The following PDE4D variants were observed in gnomAD, a reference collection of about 807,000 sequenced individuals.
The protein encoded by PDE4D is phosphodiesterase 4D, also known as 3',5'-cyclic-AMP phosphodiesterase 4D.
Under a neutral mutation model 87.4 loss-of-function variants are expected in PDE4D, and 24 were observed. That is an observed-to-expected ratio of 0.27 (90% CI 0.20 to 0.39). The LOEUF (loss-of-function observed/expected upper bound fraction) is 0.39, where lower values mean the gene tolerates loss of function less well. Among genes scored for constraint, PDE4D ranks in the 10% least tolerant of loss-of-function variants. PDE4D has a pLI of 1.00. For missense variants in PDE4D, 714 were observed against 1,041.0 expected, an observed-to-expected ratio of 0.69 and a Z score of 4.32; for synonymous variants, 384 against 383.2, an observed-to-expected ratio of 1.00 and a Z score of -0.02.
chr5:59,386,691 AAGGGAGGGAGGG>A (rs142788943), intron 1 of PDE4D, among the ~76,000 whole-genome samples: 1 of 136,206 alleles, frequency 7.3e-6, no homozygotes, highest in African/African-American at 2.6e-5. Flanking sequence ...GCGCAGGAGG[AAGGGAGGGAGGG>A]AGGGAGGGAG....
intron 6 of PDE4D, among the ~76,000 whole-genome samples, chr5:59,014,348 A>T (rs1753519854): frequency 1.3e-5 from 2 of 152,188 alleles, no homozygotes. Context: ...GAAAAGAGGA[A>T]GTCAAATTGT....
chr5:60,333,935 C>T (rs1757523052), intron 1 of PDE4D, among the ~76,000 whole-genome samples: 1 of 152,112 alleles, frequency 6.6e-6, no homozygotes, highest in Admixed American at 6.6e-5. Flanking sequence ...TCCAGATAAG[C>T]TTTCTTCATG....
chr5:59,644,988 T>A (rs1308715252), intron 1 of PDE4D, among the ~76,000 whole-genome samples: 1 of 152,222 alleles, frequency 6.6e-6, no homozygotes, highest in Non-Finnish European at 1.5e-5. Flanking sequence ...GAAAAGATTA[T>A]GCTATTCAAT....
chr5:59,401,443 A>ACTAACTAT (rs1554161163), intron 1 of PDE4D, among the ~76,000 whole-genome samples: 2 of 127,468 alleles, frequency 1.6e-5, no homozygotes, highest in Non-Finnish European at 3.4e-5. Context: ...TATATTAGAG[A>ACTAACTAT]CTATCTATCT....
intron 1 of PDE4D, among the ~76,000 whole-genome samples, chr5:59,856,065 C>T (rs1378323320): frequency 6.6e-6 from 1 of 152,026 alleles, no homozygotes; most frequent in African/African-American, 2.4e-5. Flanking sequence ...GAATGTAGAG[C>T]TCATAATTCT....
chr5:59,060,903 G>A (rs1192187354), intron 5 of PDE4D, among the ~76,000 whole-genome samples: 1 of 152,044 alleles, frequency 6.6e-6, no homozygotes, highest in African/African-American at 2.4e-5. Context: ...TTCCAGCCTG[G>A]AAGTCATTGT....
intron 1 of PDE4D, among the ~76,000 whole-genome samples, chr5:60,324,852 A>T (rs1468663881): frequency 6.6e-6 from 1 of 152,240 alleles, no homozygotes; most frequent in East Asian, 1.9e-4. Flanking sequence ...AGATAATCCT[A>T]TGAAACAACA....
At chr5:59,202,748 G>A (rs898186856) in intron 2 of PDE4D, among the ~76,000 whole-genome samples, 21 of 151,976 alleles carry the variant, frequency 1.4e-4, no homozygotes, top group African/African-American at 5.1e-4. Context: ...TTTGCCTGTT[G>A]CCATCCACAT....
At chr5:59,500,942 A>G (rs1582883160) in intron 1 of PDE4D, among the ~76,000 whole-genome samples, 1 of 151,570 alleles carries the variant, frequency 6.6e-6, no homozygotes, top group East Asian at 1.9e-4. Context: ...TCATTTTTCC[A>G]TATTATAGCC....
At chr5:59,401,514 T>A (rs258106) in intron 1 of PDE4D, among the ~76,000 whole-genome samples, 63,610 of 151,570 alleles carry the variant, frequency 0.42, 13,677 homozygotes, top group East Asian at 0.49. Flanking sequence ...AGATCACTCC[T>A]TTAATAATGC....
At chr5:59,715,227 C>T (rs1754830073) in intron 1 of PDE4D, among the ~76,000 whole-genome samples, 1 of 152,216 alleles carries the variant, frequency 6.6e-6, no homozygotes, top group Non-Finnish European at 1.5e-5. Flanking sequence ...AGTGGGGCAC[C>T]TACTTGAAGC....
intron 2 of PDE4D, among the ~76,000 whole-genome samples, chr5:60,139,535 T>C (rs1331437669): frequency 6.6e-6 from 1 of 152,058 alleles, no homozygotes; most frequent in Non-Finnish European, 1.5e-5. Context: ...TCAAACTTAC[T>C]GCTATCAAAG....
intron 1 of PDE4D, among the ~76,000 whole-genome samples, chr5:59,753,165 G>A (rs548572688): frequency 1.3e-4 from 20 of 152,274 alleles, no homozygotes; most frequent in African/African-American, 4.6e-4. Context: ...GGTAATTAAT[G>A]AGACAGTATA....
chr5:60,405,897 A>C (rs1216767649), intron 1 of PDE4D, among the ~76,000 whole-genome samples: 1 of 152,152 alleles, frequency 6.6e-6, no homozygotes, highest in Non-Finnish European at 1.5e-5. Context: ...GGGCTTCAAA[A>C]CCCAAGCACT....
intron 6 of PDE4D, among the ~76,000 whole-genome samples, chr5:59,032,939 T>C (rs1757843297): frequency 2.0e-5 from 3 of 152,326 alleles, no homozygotes; most frequent in Non-Finnish European, 2.9e-5. Flanking sequence ...AGCTGGAATT[T>C]GAAACCAAGT....
intron 2 of PDE4D, among the ~76,000 whole-genome samples, chr5:60,005,815 A>G (rs1052408114): frequency 2.3e-5 from 2 of 87,178 alleles, no homozygotes; most frequent in Admixed American, 1.4e-4. Flanking sequence ...ACTCTGTAAG[A>G]TGTATGACCC....
chr5:59,152,918 A>C (rs1779658935), intron 5 of PDE4D, among the ~76,000 whole-genome samples: 1 of 152,176 alleles, frequency 6.6e-6, no homozygotes, highest in Non-Finnish European at 1.5e-5. Flanking sequence ...AAAGGAAAGC[A>C]CTGTGGAGTT....
At chr5:60,007,487 C>A (rs1166962860) in intron 2 of PDE4D, among the ~76,000 whole-genome samples, 2 of 151,922 alleles carry the variant, frequency 1.3e-5, no homozygotes, top group African/African-American at 4.8e-5. Flanking sequence ...TGGATATTTT[C>A]ATTTAAAAAT....
chr5:60,201,813 A>C (rs1741949399), intron 1 of PDE4D, among the ~76,000 whole-genome samples: 1 of 152,236 alleles, frequency 6.6e-6, no homozygotes, highest in Non-Finnish European at 1.5e-5. Context: ...CTGGCACCAG[A>C]CTAGAAGAGA....
Sources: allele counts gnomAD v4.1 joint callset (sites outside exome capture counted in the v4.1 genomes callset), GRCh38; gene constraint gnomAD v4.1.1; transcripts MANE v1.5; gene names NCBI Gene and HGNC (gene_info 2026-07-23, HGNC 2026-07-21).